The following AIRE variants were observed in gnomAD, a reference collection of about 807,000 sequenced individuals.
The protein encoded by AIRE is autoimmune regulator, also known as autoimmune polyendocrinopathy candidiasis ectodermal dystrophy protein.
AIRE carries 52 observed loss-of-function variants against 62.1 expected under a neutral mutation model. The observed-to-expected ratio is 0.84, with a 90% CI of 0.67 to 1.06. The LOEUF (loss-of-function observed/expected upper bound fraction) is 1.06, where lower values mean the gene tolerates loss of function less well. Ranked by LOEUF, AIRE falls within the 50% of genes least tolerant of loss-of-function variation. The pLI, the probability that AIRE is intolerant of heterozygous loss-of-function variation, is 0.00. For synonymous variants in AIRE, 342 were observed against 321.6 expected (o/e 1.06, Z -0.68); for missense variants, 774 against 755.8 (o/e 1.02, Z -0.28).
In AIRE at chr21:44,297,793, C is replaced by T. The variant is rs1227594682; in HGVS notation, c.*66C>T. ...TGAGAAGGACACCTCCTTCCTCAGT[C>T]CTGGAAGCCGGCCGGCTGGGATCAA... On this transcript the variant is annotated 3_prime_UTR_variant, in exon 14 of 14. Coordinates refer to ENST00000291582, the MANE Select transcript of AIRE (RefSeq NM_000383.4). The surrounding 1 kb of genome is among the most constrained non-coding windows in gnomAD (Gnocchi z 4.8). The T allele has an allele frequency of 1.3e-6, 2 of 1,497,872 alleles. No individual in the cohort carries two copies. The highest frequency in any genetic ancestry group is 1.8e-6 in the Non-Finnish European group (2 of 1,082,804). 92.8% of individuals were successfully genotyped at this position (1,497,872 alleles called of 1,614,324 possible).
At position 44,287,746 on chromosome 21, in the gene AIRE, C is replaced by T. The variant is rs931102498; in HGVS notation, c.538+155C>T. Among the ~76,000 whole-genome samples, 3 of 152,142 alleles carry T rather than the reference C, an allele frequency of 2.0e-5. No homozygotes were observed. The highest frequency in any genetic ancestry group is 7.2e-5 in the African/African-American group (3 of 41,484). ...CAAGGGCCTAAGCTGCACCACCAGA[C>T]CCAGGAAGGGGACACCTTGGGTCTA... On this transcript the variant is annotated intron_variant, in intron 4 of 13. Coordinates refer to ENST00000291582, the MANE Select transcript of AIRE (RefSeq NM_000383.4). This position sits in a 1 kb window ranked among gnomAD's most constrained non-coding sequence, Gnocchi z 4.3.
Position 44,286,845 on chromosome 21 carries a change from A to G in AIRE, c.307+114A>G. 1 of 1,565,594 alleles carries G rather than the reference A, an allele frequency of 6.4e-7. No individual in the cohort carries two copies. The highest frequency in any genetic ancestry group is 8.8e-7 in the Non-Finnish European group (1 of 1,142,170). On this transcript the variant is annotated intron_variant, in intron 2 of 13. Coordinates refer to ENST00000291582, the MANE Select transcript of AIRE (RefSeq NM_000383.4). The surrounding 1 kb of genome is among the most constrained non-coding windows in gnomAD (Gnocchi z 6.0). ...TTGAGGAGCCCGTGGGTGATGTTCC[A>G]GGACCGTCTTGGATCCTAAGAGGCA... is the stretch of plus-strand genomic sequence containing the variant.
Position 44,288,465 on chromosome 21 carries a change from G to A in AIRE, c.652+7G>A, listed in dbSNP as rs373277723. On this transcript the variant is annotated splice_region_variant and intron_variant, in intron 5 of 13. Transcript: ENST00000291582. ...CAGCAGGTGTTTGAGTCAGGTAGAC[G>A]CTGTGGCGGGGAGATGGGGCTGATG... 35 of 1,580,304 alleles carry A rather than the reference G, an allele frequency of 2.2e-5. No individual in the cohort carries two copies. The highest frequency in any genetic ancestry group is 2.2e-4 in the African/African-American group (16 of 74,260).
At chr21:44,296,203 G>A (rs950896906) in intron 12 of AIRE, among the ~76,000 whole-genome samples, 180 bp from the exon 13 acceptor site, 3 of 152,116 alleles carry the variant, frequency 2.0e-5, no homozygotes, top group African/African-American at 7.2e-5. Context: ...ACCCTGGGGA[G>A]GCAGCCCCAG....
chr21:44,295,898 T>A (rs938862854), intron 12 of AIRE, among the ~76,000 whole-genome samples: 19 of 151,998 alleles, frequency 1.3e-4, no homozygotes, highest in Admixed American at 2.6e-4. Context: ...TGTGGCTGTT[T>A]GGGGCCACAA....
At chr21:44,290,808 T>C in intron 7 of AIRE, 2 of 1,516,808 alleles carry the variant, frequency 1.3e-6, no homozygotes, top group Admixed American at 1.8e-5. Context: ...GAAGGGTTCA[T>C]GTGGTTGGTG....
At chr21:44,290,882 A>G (rs763154847) in intron 7 of AIRE, 4 of 1,607,168 alleles carry the variant, frequency 2.5e-6, no homozygotes, top group Non-Finnish European at 3.4e-6. Context: ...CCCAATAGGG[A>G]TGGCCCCGGG....
intron 9 of AIRE, 97 bp downstream of exon 9, chr21:44,292,498 TG>T: frequency 1.2e-6 from 1 of 828,818 alleles, no homozygotes; most frequent in Non-Finnish European, 2.0e-6. Flanking sequence ...GTCTGTCCCC[TG>T]GAGTCCTGTG....
At position 44,293,054 on chromosome 21, in the gene AIRE, C is replaced by G; in HGVS notation, c.1157C>G (p.Ala386Gly). 6.2e-7 allele frequency: 1 copy of G among 1,612,526 alleles called. No homozygotes were observed. The highest frequency in any genetic ancestry group is 8.5e-7 in the Non-Finnish European group (1 of 1,179,840). Residue 386 changes from alanine to glycine, a missense_variant, in exon 10 of 14, where the codon GCC becomes GGC. Physicochemically the swap from Ala to Gly is moderately conservative, Grantham distance 60 (BLOSUM62 0). Coordinates refer to ENST00000291582, the MANE Select transcript of AIRE (RefSeq NM_000383.4). ...EVRGPPGEPL[A>G]GMDTTLVYKH... Reference sequence around the variant, plus strand: ...AGAGGTCCACCTGGGGAACCCCTAGCCGGCATGGACACGACTCTTGTCTAC... The same window carrying G: ...AGAGGTCCACCTGGGGAACCCCTAGGCGGCATGGACACGACTCTTGTCTAC...
intron 10 of AIRE, 81 bp from the exon 11 acceptor site, chr21:44,293,708 G>C (rs1460855943): frequency 3.2e-6 from 5 of 1,584,484 alleles, no homozygotes; most frequent in East Asian, 2.3e-5. Flanking sequence ...GGTCCCAGGG[G>C]AGAGCGCACA....
chr21:44,289,131 G>A (rs1460753198), intron 5 of AIRE: 2 of 169,092 alleles, frequency 1.2e-5, no homozygotes, highest in South Asian at 1.6e-4. Context: ...GGCACAAACT[G>A]GGAGGCTTGA....
intron 11 of AIRE, among the ~76,000 whole-genome samples, 193 bp downstream of exon 11, chr21:44,294,103 C>T (rs1222502821): frequency 6.9e-6 from 1 of 144,858 alleles, no homozygotes; most frequent in Non-Finnish European, 1.5e-5. Context: ...CACTCCACCA[C>T]ACCCCCACCC....
intron 13 of AIRE, among the ~76,000 whole-genome samples, chr21:44,296,888 T>C (rs2040615421): frequency 6.6e-6 from 1 of 152,096 alleles, no homozygotes; most frequent in Non-Finnish European, 1.5e-5. Context: ...CTCAGGCCTC[T>C]CTACGCTAAG....
At chr21:44,296,338 G>C (rs771986891) in intron 12 of AIRE, 45 bp from the exon 13 acceptor site, 4 of 1,546,520 alleles carry the variant, frequency 2.6e-6, no homozygotes, top group South Asian at 2.2e-5. Flanking sequence ...ACCCCCACCA[G>C]GGCTGTGGGA....
chr21:44,297,806 C>T lies in AIRE; in HGVS notation c.*79C>T, dbSNP rs72650681. 1.2e-5 allele frequency: 17 copies of T among 1,407,656 alleles called. No homozygotes were observed. The highest frequency in any genetic ancestry group is 2.0e-4 in the Middle Eastern group (1 of 5,060). 87.2% of individuals were successfully genotyped at this position (1,407,656 alleles called of 1,614,324 possible). On this transcript the variant is annotated 3_prime_UTR_variant, in exon 14 of 14. Coordinates refer to ENST00000291582, the MANE Select transcript of AIRE (RefSeq NM_000383.4). The surrounding 1 kb of genome is among the most constrained non-coding windows in gnomAD (Gnocchi z 4.8). ...TCCTTCCTCAGTCCTGGAAGCCGGC[C>T]GGCTGGGATCAAGAAGGGGACAGCG... is the stretch of plus-strand genomic sequence containing the variant.
intron 5 of AIRE, 49 bp downstream of exon 5, chr21:44,288,507 A>G: frequency 7.2e-7 from 1 of 1,398,218 alleles, no homozygotes; most frequent in African/African-American, 1.4e-5. Context: ...CCCAGGCTCC[A>G]AGATGGAAGG....
intron 13 of AIRE, among the ~76,000 whole-genome samples, chr21:44,296,768 C>A (rs2040613660): frequency 6.6e-6 from 1 of 150,588 alleles, no homozygotes; most frequent in African/African-American, 2.4e-5. Flanking sequence ...CCCTGGCAGG[C>A]AGAGGCTCGA....
chr21:44,289,840 A>T, intron 6 of AIRE, 38 bp downstream of exon 6: 1 of 1,611,634 alleles, frequency 6.2e-7, no homozygotes, highest in Non-Finnish European at 8.5e-7. Context: ...CTGGCTCTTG[A>T]TGCCCCCCGC....
rs534476312 is a variant in AIRE, at chr21:44,287,199, G to A, written c.463+66G>A. On this transcript the variant is annotated intron_variant, in intron 3 of 13. Transcript: ENST00000291582. The surrounding 1 kb of genome is among the most constrained non-coding windows in gnomAD (Gnocchi z 4.3). Reference sequence around the variant, plus strand: ...TTCCCGGGCTTCCCCGGGAGCCCACGCCCCCTCCCCACCCGGGCTCCCACC... The same window carrying A: ...TTCCCGGGCTTCCCCGGGAGCCCACACCCCCTCCCCACCCGGGCTCCCACC... 22 of 1,588,098 alleles carry A rather than the reference G, an allele frequency of 1.4e-5. No individual in the cohort carries two copies. In the East Asian group the frequency reaches 2.9e-4, roughly 21 times the overall value.
Sources: allele counts gnomAD v4.1 joint callset (sites outside exome capture counted in the v4.1 genomes callset), GRCh38; gene constraint gnomAD v4.1.1; non-coding constraint Gnocchi (gnomAD v3.1); transcripts MANE v1.5; gene names NCBI Gene and HGNC (gene_info 2026-07-23, HGNC 2026-07-21).